ATP8B4: variants seen among roughly 807,000 people sequenced by gnomAD.
The protein encoded by ATP8B4 is ATPase phospholipid transporting 8B4 (putative).
In ATP8B4, 133 loss-of-function variants were observed where a neutral mutation model predicts 145.6. The observed-to-expected ratio is 0.91, with a 90% CI of 0.79 to 1.05. The LOEUF (loss-of-function observed/expected upper bound fraction) is 1.05, where lower values mean the gene tolerates loss of function less well. ATP8B4 is among the 50% of genes least tolerant of loss of function. The pLI is 0.00. For synonymous variants in ATP8B4, 507 were observed against 492.9 expected (o/e 1.03, Z -0.38); for missense variants, 1,458 against 1,425.2 (o/e 1.02, Z -0.37).
chr15:50,157,206 G>GT (rs529555604), intron 1 of ATP8B4, among the ~76,000 whole-genome samples: 15 of 152,034 alleles, frequency 9.9e-5, no homozygotes, highest in Admixed American at 2.6e-4. Context: ...AAGATAGAAA[G>GT]TTTTTTTTAC....
At chr15:49,921,507 G>C (rs1351295278) in intron 17 of ATP8B4, among the ~76,000 whole-genome samples, 1 of 152,106 alleles carries the variant, frequency 6.6e-6, no homozygotes, top group Non-Finnish European at 1.5e-5. Context: ...GATTGCTTTG[G>C]GGGAAATGCT....
intron 7 of ATP8B4, among the ~76,000 whole-genome samples, chr15:50,010,601 T>C (rs1403577906): frequency 2.0e-5 from 3 of 152,108 alleles, no homozygotes; most frequent in Non-Finnish European, 2.9e-5. Context: ...TTCCTATTAA[T>C]TTAAAAGATC....
chr15:50,056,097 T>TCAC (rs937012244), intron 3 of ATP8B4, among the ~76,000 whole-genome samples: 15 of 152,060 alleles, frequency 9.9e-5, no homozygotes, highest in African/African-American at 1.9e-4. Flanking sequence ...ACACTCATCA[T>TCAC]CACCACCACC....
chr15:49,918,737 G>C, intron 19 of ATP8B4, 102 bp downstream of exon 19: 2 of 785,406 alleles, frequency 2.5e-6, no homozygotes, highest in South Asian at 1.8e-5. Flanking sequence ...GTGGAAGATT[G>C]GGTGAATATT....
At chr15:50,074,581 A>C (rs1259977654) in intron 2 of ATP8B4, among the ~76,000 whole-genome samples, 1 of 152,214 alleles carries the variant, frequency 6.6e-6, no homozygotes, top group Non-Finnish European at 1.5e-5. Flanking sequence ...TAACATAGCC[A>C]AAAATAAACC....
chr15:50,087,449 A>T (rs1402694839), intron 2 of ATP8B4, among the ~76,000 whole-genome samples: 2 of 147,724 alleles, frequency 1.4e-5, no homozygotes, highest in Non-Finnish European at 3.0e-5. Context: ...TAATATATAT[A>T]CACTCCTCAT....
intron 21 of ATP8B4, among the ~76,000 whole-genome samples, chr15:49,898,940 G>A (rs908639828): frequency 5.9e-5 from 9 of 152,068 alleles, no homozygotes; most frequent in African/African-American, 2.2e-4. Context: ...CCAATTAACT[G>A]TGCAATTTTT....
At chr15:49,938,715 C>T (rs1427380413) in intron 14 of ATP8B4, among the ~76,000 whole-genome samples, 3 of 152,050 alleles carry the variant, frequency 2.0e-5, no homozygotes, top group Non-Finnish European at 4.4e-5. Context: ...AGAAAACTAG[C>T]AAAGAAATTC....
At chr15:50,127,898 G>C (rs1395097225) in intron 1 of ATP8B4, among the ~76,000 whole-genome samples, 2 of 152,154 alleles carry the variant, frequency 1.3e-5, no homozygotes, top group African/African-American at 4.8e-5. Flanking sequence ...GCCTCACTGT[G>C]GTTCTGCACA....
chr15:50,107,437 A>C (rs750040646), intron 1 of ATP8B4, among the ~76,000 whole-genome samples: 97 of 152,318 alleles, frequency 6.4e-4, no homozygotes, highest in South Asian at 1.4e-3. Context: ...GGCTCTAGAG[A>C]AACAAAATGC....
At chr15:50,131,490 C>T (rs1055193345) in intron 1 of ATP8B4, among the ~76,000 whole-genome samples, 1 of 152,080 alleles carries the variant, frequency 6.6e-6, no homozygotes, top group African/African-American at 2.4e-5. Context: ...ATCTCTGCCT[C>T]TCTATAATGA....
intron 23 of ATP8B4, among the ~76,000 whole-genome samples, chr15:49,884,058 T>C (rs1203170274): frequency 1.3e-5 from 2 of 152,242 alleles, no homozygotes; most frequent in African/African-American, 4.8e-5. Flanking sequence ...TGTTTTTGTT[T>C]TGGAAAATAC....
At chr15:50,150,242 A>C (rs1430506993) in intron 1 of ATP8B4, among the ~76,000 whole-genome samples, 2 of 152,114 alleles carry the variant, frequency 1.3e-5, no homozygotes, top group Non-Finnish European at 2.9e-5. Flanking sequence ...TTTTTGCAAA[A>C]GGCTGTGATG....
At chr15:49,881,030 T>G (rs1598879079) in intron 23 of ATP8B4, among the ~76,000 whole-genome samples, 1 of 152,234 alleles carries the variant, frequency 6.6e-6, no homozygotes, top group East Asian at 1.9e-4. Flanking sequence ...GAGAGTGGCA[T>G]GAACCCGAGA....
chr15:49,867,296 T>A (rs560218394), intron 25 of ATP8B4, among the ~76,000 whole-genome samples: 1 of 152,364 alleles, frequency 6.6e-6, no homozygotes, highest in South Asian at 2.1e-4. Flanking sequence ...AGATTTCTCA[T>A]CTGTCTGAGG....
At chr15:49,995,128 T>C (rs561831715) in intron 9 of ATP8B4, among the ~76,000 whole-genome samples, 28 of 152,254 alleles carry the variant, frequency 1.8e-4, no homozygotes, top group Non-Finnish European at 3.5e-4. Flanking sequence ...TGAGCAAGCA[T>C]CTAGGAAAGA....
chr15:49,997,100 C>T (rs1014399959), intron 8 of ATP8B4, among the ~76,000 whole-genome samples: 1 of 152,008 alleles, frequency 6.6e-6, no homozygotes, highest in Non-Finnish European at 1.5e-5. Context: ...AACACAGTTG[C>T]CAAATAAAGG....
intron 18 of ATP8B4, among the ~76,000 whole-genome samples, chr15:49,919,359 A>T (rs1028583547): frequency 6.6e-6 from 1 of 152,162 alleles, no homozygotes; most frequent in Non-Finnish European, 1.5e-5. Flanking sequence ...TTCTACATTA[A>T]CAAACCAGCA....
chr15:50,000,867 G>C (rs1199975998), intron 8 of ATP8B4, among the ~76,000 whole-genome samples: 4 of 151,890 alleles, frequency 2.6e-5, no homozygotes. Context: ...AATACTTATA[G>C]AGCTATTCAA....
Sources: allele counts gnomAD v4.1 joint callset (sites outside exome capture counted in the v4.1 genomes callset), GRCh38; gene constraint gnomAD v4.1.1; transcripts MANE v1.5; gene names NCBI Gene and HGNC (gene_info 2026-07-23, HGNC 2026-07-21).